The following LRRC4C variants were observed in gnomAD, a reference collection of about 807,000 sequenced individuals.
LRRC4C encodes leucine rich repeat containing 4C.
LRRC4C carries 5 observed loss-of-function variants against 33.6 expected under a neutral mutation model. That is an observed-to-expected ratio of 0.15 (90% confidence interval 0.08 to 0.31). The LOEUF (loss-of-function observed/expected upper bound fraction) is 0.31. Ranked by LOEUF, LRRC4C falls within the 10% of genes least tolerant of loss-of-function variation. The probability of loss-of-function intolerance (pLI) is 1.00; values close to 1 mark genes in which losing one functional copy is unlikely to be tolerated. For missense variants in LRRC4C, 560 were observed against 796.7 expected (o/e 0.70, Z 3.58); for synonymous variants, 329 against 302.0 (o/e 1.09, Z -0.93).
intron 1 of LRRC4C, among the ~76,000 whole-genome samples, chr11:41,285,598 G>C (rs1372207071): frequency 6.6e-6 from 1 of 152,088 alleles, no homozygotes; most frequent in African/African-American, 2.4e-5. Flanking sequence ...GATGTGGGGA[G>C]GAAGCCAGAG....
intron 1 of LRRC4C, among the ~76,000 whole-genome samples, chr11:40,986,355 T>C (rs1852994661): frequency 1.3e-5 from 2 of 152,090 alleles, no homozygotes; most frequent in African/African-American, 4.8e-5. Flanking sequence ...CTCAACACTT[T>C]TGGAGGCCAA....
intron 1 of LRRC4C, among the ~76,000 whole-genome samples, chr11:41,190,484 C>T (rs1794298517): frequency 6.6e-6 from 1 of 152,088 alleles, no homozygotes; most frequent in Non-Finnish European, 1.5e-5. Context: ...TGTAATAGCA[C>T]AATGCCAGGT....
At chr11:40,897,921 C>A (rs796445831) in intron 2 of LRRC4C, among the ~76,000 whole-genome samples, 5 of 152,226 alleles carry the variant, frequency 3.3e-5, no homozygotes, top group African/African-American at 1.2e-4. Context: ...CATGTGCATG[C>A]CCAGGAAGAA....
At chr11:41,399,526 T>G (rs1953947695) in intron 1 of LRRC4C, among the ~76,000 whole-genome samples, 1 of 151,956 alleles carries the variant, frequency 6.6e-6, no homozygotes, top group Admixed American at 6.6e-5. Context: ...AATTTATGCC[T>G]CAGAGGTACT....
chr11:40,324,904 G>A (rs1437856332), intron 3 of LRRC4C, among the ~76,000 whole-genome samples: 2 of 152,156 alleles, frequency 1.3e-5, no homozygotes, highest in African/African-American at 4.8e-5. Flanking sequence ...CCTCAGGTTT[G>A]TCTTCTGTAA....
intron 2 of LRRC4C, among the ~76,000 whole-genome samples, chr11:40,868,886 A>G (rs1327443024): frequency 6.6e-6 from 1 of 152,178 alleles, no homozygotes; most frequent in Non-Finnish European, 1.5e-5. Context: ...GTCATACAGA[A>G]GGAAATAACC....
chr11:40,923,948 A>G (rs1475635237), intron 2 of LRRC4C, among the ~76,000 whole-genome samples: 3 of 152,076 alleles, frequency 2.0e-5, no homozygotes, highest in Non-Finnish European at 2.9e-5. Context: ...TGTTTTCTGT[A>G]TTTAGCAATG....
intron 3 of LRRC4C, among the ~76,000 whole-genome samples, chr11:40,511,905 T>C (rs541587002): frequency 9.9e-5 from 15 of 152,202 alleles, no homozygotes; most frequent in Non-Finnish European, 1.9e-4. Flanking sequence ...TTGTAGTATA[T>C]ACAGGCTAGT....
chr11:41,353,872 T>A (rs935716338), intron 1 of LRRC4C, among the ~76,000 whole-genome samples: 14 of 152,076 alleles, frequency 9.2e-5, no homozygotes, highest in African/African-American at 3.1e-4. Context: ...CGAAGGAATG[T>A]ACCACAAAAT....
intron 4 of LRRC4C, chr11:40,292,450 G>A (rs1289612116): frequency 6.6e-6 from 1 of 152,052 alleles, no homozygotes; most frequent in Non-Finnish European, 1.5e-5. Context: ...CTTTGCAGAT[G>A]TATTATTAAT....
intron 1 of LRRC4C, among the ~76,000 whole-genome samples, chr11:40,993,735 C>T (rs1171627238): frequency 6.6e-6 from 1 of 151,862 alleles, no homozygotes; most frequent in Non-Finnish European, 1.5e-5. Flanking sequence ...TCACCAGAGA[C>T]AAAAAGATAG....
intron 1 of LRRC4C, among the ~76,000 whole-genome samples, chr11:40,962,713 A>T (rs971917101): frequency 1.3e-5 from 2 of 151,842 alleles, no homozygotes; most frequent in Non-Finnish European, 3.0e-5. Flanking sequence ...TCTTCAGCAG[A>T]TAGAAAGATC....
intron 4 of LRRC4C, among the ~76,000 whole-genome samples, chr11:40,312,073 T>G (rs527933889): frequency 1.3e-5 from 2 of 152,260 alleles, no homozygotes; most frequent in South Asian, 4.1e-4. Context: ...AGATGTGGGT[T>G]AAGGCCAAAG....
intron 6 of LRRC4C, among the ~76,000 whole-genome samples, chr11:40,125,618 A>G (rs1856165925): frequency 1.3e-5 from 2 of 151,946 alleles, no homozygotes; most frequent in East Asian, 3.9e-4. Flanking sequence ...TTATTATTTT[A>G]TTTTCCTATA....
chr11:41,172,541 A>G (rs1227503514), intron 1 of LRRC4C, among the ~76,000 whole-genome samples: 1 of 152,152 alleles, frequency 6.6e-6, no homozygotes, highest in Non-Finnish European at 1.5e-5. Context: ...CTGTACTGAC[A>G]ACATTGGATT....
intron 2 of LRRC4C, among the ~76,000 whole-genome samples, chr11:40,820,289 G>T (rs1270530465): frequency 1.3e-5 from 2 of 151,934 alleles, no homozygotes; most frequent in Admixed American, 6.6e-5. Flanking sequence ...AAGCAAGACA[G>T]CAATAAATTG....
intron 1 of LRRC4C, among the ~76,000 whole-genome samples, chr11:41,240,587 A>C (rs1379880776): frequency 6.6e-6 from 1 of 152,204 alleles, no homozygotes; most frequent in Non-Finnish European, 1.5e-5. Flanking sequence ...TCTGGGGAAA[A>C]GTAGCATTAG....
intron 3 of LRRC4C, among the ~76,000 whole-genome samples, chr11:40,543,433 C>G (rs1956800537): frequency 6.6e-6 from 1 of 152,030 alleles, no homozygotes. Flanking sequence ...CTGAAAGCCA[C>G]TGTATTATAA....
At chr11:41,438,080 A>T (rs1178520006) in intron 1 of LRRC4C, among the ~76,000 whole-genome samples, 3 of 146,694 alleles carry the variant, frequency 2.0e-5, no homozygotes, top group South Asian at 2.1e-4. Context: ...TAATAAAAAA[A>T]AATAATTACA....
Sources: gnomAD v4.1 joint callset for allele counts (sites outside exome capture counted in the v4.1 genomes callset) on GRCh38, gnomAD v4.1.1 for gene constraint, MANE v1.5 for transcripts, NCBI Gene and HGNC (gene_info 2026-07-23, HGNC 2026-07-21) for gene names.